Variants in TNIK observed in about 807,000 individuals in gnomAD.
The protein encoded by TNIK is TRAF2 and NCK interacting kinase, also known as TRAF2 and NCK-interacting protein kinase.
In TNIK, 49 loss-of-function variants were observed where a neutral mutation model predicts 191.3. The ratio of observed to expected loss-of-function variants is 0.26; its 90% CI spans 0.20 to 0.32. TNIK has a LOEUF of 0.32. Ranked by LOEUF, TNIK falls within the 10% of genes least tolerant of loss-of-function variation. TNIK has a pLI of 1.00. For missense variants in TNIK, 1,155 were observed against 1,702.3 expected (o/e 0.68, Z 5.66); for synonymous variants, 594 against 600.9 (o/e 0.99, Z 0.17).
intron 1 of TNIK, among the ~76,000 whole-genome samples, chr3:171,408,455 G>A (rs1461936476): frequency 3.3e-5 from 5 of 152,166 alleles, no homozygotes; most frequent in Admixed American, 6.5e-5. Flanking sequence ...AGGGCTATCC[G>A]ATTCATTCCG....
At chr3:171,236,406 TG>T (rs1744275414) in intron 2 of TNIK, among the ~76,000 whole-genome samples, 1 of 152,260 alleles carries the variant, frequency 6.6e-6, no homozygotes, top group Admixed American at 6.5e-5. Context: ...GTTCTGTTTT[TG>T]TTTTCTTTTC....
chr3:171,334,208 A>T (rs1417171433), intron 2 of TNIK, among the ~76,000 whole-genome samples: 1 of 152,226 alleles, frequency 6.6e-6, no homozygotes, highest in African/African-American at 2.4e-5. Context: ...GAATAATGTG[A>T]GATTTGGCTT....
intron 2 of TNIK, among the ~76,000 whole-genome samples, chr3:171,275,789 C>T (rs977603629): frequency 2.6e-5 from 4 of 151,788 alleles, no homozygotes; most frequent in African/African-American, 9.7e-5. Flanking sequence ...CCCAGCTACT[C>T]GGGAGGCTGA....
chr3:171,150,649 T>C (rs1441834366), intron 12 of TNIK, among the ~76,000 whole-genome samples: 2 of 152,090 alleles, frequency 1.3e-5, no homozygotes, highest in Non-Finnish European at 2.9e-5. Flanking sequence ...CAGGGGAAGG[T>C]TCTCTAGGTT....
intron 1 of TNIK, among the ~76,000 whole-genome samples, chr3:171,411,272 T>G (rs951260889): frequency 1.3e-5 from 2 of 152,074 alleles, no homozygotes; most frequent in Non-Finnish European, 2.9e-5. Flanking sequence ...GATAAGGTCT[T>G]GCTCTGTTGA....
intron 1 of TNIK, among the ~76,000 whole-genome samples, chr3:171,385,013 G>C (rs2131366): frequency 2.0e-5 from 3 of 152,084 alleles, no homozygotes; most frequent in African/African-American, 7.2e-5. Flanking sequence ...TGATTAAGTC[G>C]GTGTTTATCA....
intron 2 of TNIK, among the ~76,000 whole-genome samples, chr3:171,247,011 C>T (rs955843310): frequency 3.3e-5 from 5 of 152,204 alleles, no homozygotes; most frequent in Non-Finnish European, 5.9e-5. Context: ...TGAGGAAGGG[C>T]TTAAGTCTGT....
In TNIK at chr3:171,101,434, A is replaced by G; in HGVS notation, c.2591+15T>C. On this transcript the variant is annotated intron_variant, in intron 22 of 32. Coordinates refer to ENST00000436636, the MANE Select transcript of TNIK (RefSeq NM_015028.4). Reference sequence around the variant, plus strand: ...AGTCCCCTCCCGGTCTACACTTTAAAAGTAGTTCTCTTACATCAGTCTGGG... The same window carrying G: ...AGTCCCCTCCCGGTCTACACTTTAAGAGTAGTTCTCTTACATCAGTCTGGG... 5.0e-6 allele frequency: 8 copies of G among 1,588,122 alleles called. No homozygotes were observed. Among genetic ancestry groups the G allele is most frequent in the South Asian group, 4.6e-5 (4 of 86,486 alleles).
chr3:171,209,813 G>T (rs914089689), intron 4 of TNIK, among the ~76,000 whole-genome samples: 1 of 151,566 alleles, frequency 6.6e-6, no homozygotes, highest in Non-Finnish European at 1.5e-5. Context: ...TGAAAATCTT[G>T]TTAGTTTTAT....
At chr3:171,355,532 A>G (rs1024192695) in intron 2 of TNIK, among the ~76,000 whole-genome samples, 2 of 152,182 alleles carry the variant, frequency 1.3e-5, no homozygotes, top group Admixed American at 6.5e-5. Context: ...GAGAATATAA[A>G]ATCAGCTTTG....
intron 2 of TNIK, among the ~76,000 whole-genome samples, chr3:171,327,900 TAAAAAAAAAAA>T (rs71634497): frequency 0.42 from 33,798 of 79,954 alleles, 5,042 homozygotes; most frequent in South Asian, 0.53. Context: ...ACCTGGCTCA[TAAAAAAAAAAA>T]AAAAAAAAAA....
chr3:171,297,594 T>A (rs970586237), intron 2 of TNIK, among the ~76,000 whole-genome samples: 26 of 152,352 alleles, frequency 1.7e-4, no homozygotes, highest in African/African-American at 6.3e-4. Context: ...TATTGATGTC[T>A]CTTTTATCAC....
chr3:171,313,683 C>T (rs953945522), intron 2 of TNIK, among the ~76,000 whole-genome samples: 13 of 151,998 alleles, frequency 8.6e-5, no homozygotes, highest in African/African-American at 2.7e-4. Context: ...GGGGTCCTTA[C>T]GTCTAAACAG....
intron 1 of TNIK, among the ~76,000 whole-genome samples, chr3:171,421,572 T>G (rs144906042): frequency 1.3e-5 from 2 of 152,204 alleles, no homozygotes; most frequent in African/African-American, 4.8e-5. Flanking sequence ...TAAAAATATA[T>G]ATTCCTGAAA....
At chr3:171,433,123 C>T (rs1366156151) in intron 1 of TNIK, among the ~76,000 whole-genome samples, 1 of 151,846 alleles carries the variant, frequency 6.6e-6, no homozygotes, top group Admixed American at 6.6e-5. Context: ...AATTAATTTG[C>T]ATAATTAGAG....
At chr3:171,066,895 G>A (rs1718508634) in intron 30 of TNIK, among the ~76,000 whole-genome samples, 160 bp from the exon 31 acceptor site, 1 of 152,018 alleles carries the variant, frequency 6.6e-6, no homozygotes, top group Admixed American at 6.6e-5. Context: ...AAAATACCCT[G>A]GTAAATCAAA....
chr3:171,223,953 C>T (rs1742673249), intron 3 of TNIK, among the ~76,000 whole-genome samples: 1 of 152,150 alleles, frequency 6.6e-6, no homozygotes, highest in African/African-American at 2.4e-5. Context: ...GAAATCAACT[C>T]TCTCCAACTC....
intron 2 of TNIK, among the ~76,000 whole-genome samples, chr3:171,268,915 ATGGCTCT>A (rs1748740333): frequency 6.6e-6 from 1 of 152,236 alleles, no homozygotes; most frequent in Non-Finnish European, 1.5e-5. Context: ...ATTCAAAGGC[ATGGCTCT>A]GTCACAAGAA....
intron 27 of TNIK, among the ~76,000 whole-genome samples, chr3:171,080,203 C>T (rs986292525): frequency 5.3e-5 from 8 of 152,010 alleles, no homozygotes; most frequent in East Asian, 1.9e-4. Flanking sequence ...CTTAAATTTC[C>T]GTTTGGTAAA....
Sources: gnomAD v4.1 joint callset for allele counts (sites outside exome capture counted in the v4.1 genomes callset) on GRCh38, gnomAD v4.1.1 for gene constraint, MANE v1.5 for transcripts, NCBI Gene and HGNC (gene_info 2026-07-23, HGNC 2026-07-21) for gene names.